SARS1: variants seen among roughly 807,000 people sequenced by gnomAD.
The protein encoded by SARS1 is serine--tRNA ligase, cytoplasmic.
Under a neutral mutation model 63.7 loss-of-function variants are expected in SARS1, and 25 were observed. The observed-to-expected ratio is 0.39, with a 90% CI of 0.29 to 0.55. The LOEUF (loss-of-function observed/expected upper bound fraction) is 0.55, where lower values mean the gene tolerates loss of function less well. Ranked by LOEUF, SARS1 falls within the 20% of genes least tolerant of loss-of-function variation. The probability of loss-of-function intolerance (pLI) is 0.62; values close to 1 mark genes in which losing one functional copy is unlikely to be tolerated. For synonymous variants in SARS1, 231 were observed against 243.5 expected (o/e 0.95, Z 0.48); for missense variants, 417 against 649.7 (o/e 0.64, Z 3.89).
intron 1 of SARS1, among the ~76,000 whole-genome samples, chr1:109,219,331 C>T (rs1253113021): frequency 2.0e-5 from 1 of 49,468 alleles, no homozygotes; most frequent in African/African-American, 6.4e-5. Flanking sequence ...TATTTATATA[C>T]ACACTATATA....
intron 4 of SARS1, 57 bp from the exon 5 acceptor site, chr1:109,230,821 T>C: frequency 6.7e-7 from 1 of 1,484,574 alleles, no homozygotes; most frequent in Non-Finnish European, 9.1e-7. Context: ...AAAAAAATAA[T>C]TTAAAAATAA....
At chr1:109,233,993 T>C (rs1215098662) in intron 6 of SARS1, among the ~76,000 whole-genome samples, 2 of 149,880 alleles carry the variant, frequency 1.3e-5, no homozygotes, top group African/African-American at 4.9e-5. Flanking sequence ...CCTCAGCCTG[T>C]TGAGTAGCTG....
intron 1 of SARS1, chr1:109,216,590 G>A (rs911413253): frequency 8.5e-6 from 8 of 937,420 alleles, no homozygotes; most frequent in Admixed American, 6.3e-5. Context: ...ATCCTGAGTG[G>A]TTTTTTTTTT....
chr1:109,216,255 T>C (rs1051170554), intron 1 of SARS1: 1 of 985,380 alleles, frequency 1.0e-6, no homozygotes, highest in Non-Finnish European at 1.2e-6. Flanking sequence ...TCATGCTCCC[T>C]AATTGAGGAC....
intron 1 of SARS1, among the ~76,000 whole-genome samples, chr1:109,218,089 T>C (rs1312692739): frequency 7.3e-6 from 1 of 137,910 alleles, no homozygotes; most frequent in Non-Finnish European, 1.5e-5. Context: ...GCTACTCGGG[T>C]GGCTGAGGCA....
At chr1:109,215,520 A>G (rs1397375492) in intron 1 of SARS1, 5 of 985,236 alleles carry the variant, frequency 5.1e-6, no homozygotes, top group Non-Finnish European at 6.0e-6. Flanking sequence ...ACACATTTAT[A>G]CATAAAATCC....
At chr1:109,216,101 C>A (rs1654779558) in intron 1 of SARS1, 1 of 985,270 alleles carries the variant, frequency 1.0e-6, no homozygotes, top group Non-Finnish European at 1.2e-6. Flanking sequence ...TATGTTTTTT[C>A]CCAAGTTCCC....
chr1:109,223,289 C>T (rs1292190327), intron 1 of SARS1, among the ~76,000 whole-genome samples: 1 of 152,316 alleles, frequency 6.6e-6, no homozygotes, highest in Non-Finnish European at 1.5e-5. Context: ...ATCATGACTG[C>T]ACTCTCTATA....
rs1655296133 is a variant in SARS1 at position 109,235,843 on chromosome 1, C to T, written c.970-134C>T. ...AAGCATTTGCTCTTGTGGTCCAGTC[C>T]CAGTTGCTGGGGGCCCAGACTTGCC... On this transcript the variant is annotated intron_variant, in intron 7 of 10. Transcript: ENST00000234677. This position sits in a 1 kb window ranked among gnomAD's most constrained non-coding sequence, Gnocchi z 4.7. 3.7e-6 allele frequency: 3 copies of T among 814,754 alleles called. No homozygotes were observed. Among genetic ancestry groups the T allele is most frequent in the Non-Finnish European group, 5.9e-6 (3 of 511,696 alleles). 50.5% of individuals were successfully genotyped at this position (814,754 alleles called of 1,614,324 possible). A position where few individuals can be genotyped will look rare whatever the true frequency, so the allele number is the denominator to read the frequency against.
rs12127592 is a variant in SARS1 at position 109,226,727 on chromosome 1, C to T, written c.208-1625C>T. ...ACACACACACACACACACACACACA[C>T]ATATATATATATTTATTTATTTATT... On this transcript the variant is annotated intron_variant, in intron 2 of 10. Coordinates refer to ENST00000234677, the MANE Select transcript of SARS1 (RefSeq NM_006513.4). Among the ~76,000 whole-genome samples the T allele has an allele frequency of 5.2e-3, 210 of 40,734 alleles. 6 individuals carry two copies. The highest frequency in any genetic ancestry group is 0.013 in the African/African-American group (199 of 14,806). 26.7% of individuals were successfully genotyped at this position (40,734 alleles called of 152,430 possible).
At chr1:109,216,369 G>A (rs2101179875) in intron 1 of SARS1, 4 of 985,394 alleles carry the variant, frequency 4.1e-6, no homozygotes, top group Non-Finnish European at 4.8e-6. Context: ...CAGGAGTCCA[G>A]TATAACTTGG....
At chr1:109,230,139 G>A (rs1258249224) in intron 4 of SARS1, among the ~76,000 whole-genome samples, 5 of 151,776 alleles carry the variant, frequency 3.3e-5, no homozygotes, top group Non-Finnish European at 5.9e-5. Context: ...CCCTGAGTCC[G>A]CCCTCATGTG....
intron 5 of SARS1, 36 bp from the exon 6 acceptor site, chr1:109,231,595 A>T (rs1655212518): frequency 7.3e-7 from 1 of 1,377,112 alleles, no homozygotes; most frequent in Non-Finnish European, 9.5e-7. Flanking sequence ...TGGTGACAAG[A>T]CCCAATCACA....
chr1:109,231,904 G>C (rs1236040703), intron 6 of SARS1, 118 bp downstream of exon 6: 3 of 865,030 alleles, frequency 3.5e-6, no homozygotes, highest in Middle Eastern at 3.5e-4. Flanking sequence ...TTCTCTCTCT[G>C]TGACTCTTGA....
At chr1:109,236,989 AG>A (rs1231339443) in intron 9 of SARS1, 3 of 1,341,930 alleles carry the variant, frequency 2.2e-6, no homozygotes, top group African/African-American at 1.9e-5. Flanking sequence ...CTTCCCTCAA[AG>A]GGCCCAACTC....
At position 109,213,987 on chromosome 1, in the gene SARS1, A is replaced by G; in HGVS notation, c.-6A>G. ...TTCCCTGAGCGTTGGCCCGGGAGGA[A>G]AGAAGATGGTGCTGGATCTGGATTT... On this transcript the variant is annotated 5_prime_UTR_variant, in exon 1 of 11. Transcript: ENST00000234677. 1.2e-6 allele frequency: 2 copies of G among 1,608,118 alleles called. 1 individual carries two copies. Among genetic ancestry groups the G allele is most frequent in the South Asian group, 2.2e-5 (2 of 90,602 alleles).
At position 109,237,865 on chromosome 1, in the gene SARS1, A is replaced by G. The variant is rs1311399746; in HGVS notation, c.1522A>G (p.Asn508Asp). ...CGTCACCCTAGAAAACAGGCTGCAGAACATGGAGGTCACCGATGCTTGAAC... is the reference window on the plus strand; with the variant it reads ...CGTCACCCTAGAAAACAGGCTGCAGGACATGGAGGTCACCGATGCTTGAAC... The part of the protein sequence containing the change: ...RDVTLENRLQ[N>D]MEVTDA Residue 508 changes from asparagine (N) to aspartate (D), a missense_variant, in exon 11 of 11, where the codon AAC (asparagine) becomes GAC (aspartate). Coordinates refer to ENST00000234677, the MANE Select transcript of SARS1 (RefSeq NM_006513.4). This position sits in a 1 kb window ranked among gnomAD's most constrained non-coding sequence, Gnocchi z 4.1. 1 of 1,614,112 alleles carries G rather than the reference A, an allele frequency of 6.2e-7. No homozygotes were observed. The highest frequency in any genetic ancestry group is 8.5e-7 in the Non-Finnish European group (1 of 1,180,038).
intron 1 of SARS1, among the ~76,000 whole-genome samples, chr1:109,221,983 TATATATA>T (rs1654940384): frequency 1.6e-4 from 1 of 6,310 alleles, no homozygotes; most frequent in African/African-American, 4.1e-4. Context: ...TATATATATA[TATATATA>T]TATATATATA....
chr1:109,237,080 C>A lies in SARS1; in HGVS notation c.1258-164C>A. ...GCAGTTATCTAATAGGCAATAAATA[C>A]CAAATAATTCAAATTTAGAAAAAAG... On this transcript the variant is annotated intron_variant, in intron 9 of 10. Transcript: ENST00000234677. This position sits in a 1 kb window ranked among gnomAD's most constrained non-coding sequence, Gnocchi z 4.1. 2 of 1,238,288 alleles carry A rather than the reference C, an allele frequency of 1.6e-6. No individual in the cohort carries two copies. The highest frequency in any genetic ancestry group is 2.2e-6 in the Non-Finnish European group (2 of 908,940). 76.7% of individuals were successfully genotyped at this position (1,238,288 alleles called of 1,614,324 possible).
Sources: gnomAD v4.1 joint callset for allele counts (sites outside exome capture counted in the v4.1 genomes callset) on GRCh38, gnomAD v4.1.1 for gene constraint, Gnocchi (gnomAD v3.1) non-coding constraint, MANE v1.5 for transcripts, NCBI Gene and HGNC (gene_info 2026-07-23, HGNC 2026-07-21) for gene names.